CHERP: variants seen among roughly 807,000 people sequenced by gnomAD.
CHERP encodes the protein calcium homeostasis endoplasmic reticulum protein.
A neutral mutation model predicts 113.8 loss-of-function variants in CHERP; 8 were observed. The ratio of observed to expected loss-of-function variants is 0.07; its 90% CI spans 0.04 to 0.13. CHERP has a LOEUF of 0.13. Among genes scored for constraint, CHERP ranks in the 10% least tolerant of loss-of-function variants. The pLI is 1.00. For missense variants in CHERP, 884 were observed against 1,298.2 expected (o/e 0.68, Z 4.90); for synonymous variants, 559 against 524.5 (o/e 1.07, Z -0.90).
chr19:16,538,453 G>C (rs1179705437), intron 2 of CHERP, among the ~76,000 whole-genome samples: 5 of 152,234 alleles, frequency 3.3e-5, no homozygotes, highest in African/African-American at 1.2e-4. Flanking sequence ...GGGAAGCCAA[G>C]GTGGGCGGAT....
rs1194758360 is a variant in CHERP, at chr19:16,523,614, G to A, written c.1742-324C>T. On this transcript the variant is annotated intron_variant, in intron 10 of 16. Coordinates refer to ENST00000546361, the MANE Select transcript of CHERP (RefSeq NM_006387.6). The surrounding 1 kb of genome is among the most constrained non-coding windows in gnomAD (Gnocchi z 4.0). The stretch of plus-strand genomic sequence containing the variant: ...GTCCCAGCCCCCAGTAGCTCAGGAC[G>A]GAACTGTATTTGGAGACAGAGCCTT... Among the ~76,000 whole-genome samples the A allele has an allele frequency of 1.3e-5, 2 of 152,232 alleles. No homozygotes were observed. The highest frequency in any genetic ancestry group is 2.9e-5 in the Non-Finnish European group (2 of 68,016).
Position 16,525,111 on chromosome 19 carries a change from C to CG in CHERP, c.1741+130dup. On this transcript the variant is annotated intron_variant, in intron 10 of 16. Coordinates refer to ENST00000546361, the MANE Select transcript of CHERP (RefSeq NM_006387.6). The surrounding 1 kb of genome is among the most constrained non-coding windows in gnomAD (Gnocchi z 6.5). Reference sequence around the variant, plus strand: ...GAGAACCCAGGCCGGGCTCCTCGGACGTCCCATGACCCTGTGTCTGTCACT... The same window carrying CG: ...GAGAACCCAGGCCGGGCTCCTCGGACGGTCCCATGACCCTGTGTCTGTCACT... 12 of 883,038 alleles carry CG rather than the reference C, an allele frequency of 1.4e-5. No individual in the cohort carries two copies. The highest frequency in any genetic ancestry group is 1.8e-5 in the Non-Finnish European group (12 of 652,176). 54.7% of individuals were successfully genotyped at this position (883,038 alleles called of 1,614,324 possible).
At chr19:16,533,865 T>C (rs2085723799) in intron 3 of CHERP, among the ~76,000 whole-genome samples, 1 of 151,772 alleles carries the variant, frequency 6.6e-6, no homozygotes, top group African/African-American at 2.4e-5. Context: ...AAGAAGAGGA[T>C]ACACCCATGG....
chr19:16,533,354 G>A (rs1384804521), intron 3 of CHERP, among the ~76,000 whole-genome samples: 1 of 152,184 alleles, frequency 6.6e-6, no homozygotes, highest in Non-Finnish European at 1.5e-5. Context: ...AGTCCCTCCT[G>A]GAGTGGGCAG....
intron 12 of CHERP, 182 bp downstream of exon 12, chr19:16,521,339 G>A (rs554056645): frequency 8.5e-6 from 5 of 590,410 alleles, no homozygotes; most frequent in Admixed American, 6.4e-5. Context: ...CCATTAAAAC[G>A]CCCTTCATTG....
chr19:16,531,208 C>T (rs894118302), intron 5 of CHERP, among the ~76,000 whole-genome samples: 1 of 152,162 alleles, frequency 6.6e-6, no homozygotes, highest in Non-Finnish European at 1.5e-5. Context: ...TATGGGCCGG[C>T]GGGAGCCCCT....
Position 16,529,752 on chromosome 19 carries a change from A to AGCTGCT in CHERP, c.1019_1024dup (p.Gln340_Gln341dup), listed in dbSNP as rs762271164. The AGCTGCT allele has an allele frequency of 2.0e-5, 33 of 1,611,590 alleles. No homozygotes were observed. The highest frequency in any genetic ancestry group is 1.7e-4 in the Middle Eastern group (1 of 6,016). On this transcript the variant is annotated inframe_insertion, in exon 8 of 17. Transcript: ENST00000546361. ...TTCAGCCTCCATCTGCGGCATCTGG[A>AGCTGCT]GCTGCTGCTGCTGCTGTTGCTGCTG...
intron 3 of CHERP, 96 bp from the exon 4 acceptor site, chr19:16,533,244 G>A (rs73514909): frequency 0.026 from 33,253 of 1,266,760 alleles, 515 homozygotes; most frequent in Middle Eastern, 0.038. Context: ...TGGGGACATG[G>A]TGGCGATGCC....
Position 16,525,127 on chromosome 19 carries a change from G to T in CHERP, c.1741+115C>A. 9.7e-7 allele frequency: 1 copy of T among 1,034,552 alleles called. No individual in the cohort carries two copies. The highest frequency in any genetic ancestry group is 1.3e-6 in the Non-Finnish European group (1 of 770,264). The allele number at this position is 1,034,552 out of a possible 1,614,324, so 64.1% of individuals were successfully genotyped here. A position where few individuals can be genotyped will look rare whatever the true frequency, so the allele number is the denominator to read the frequency against. ...CTCCTCGGACGTCCCATGACCCTGTGTCTGTCACTGTGCACTCAGGAGCAT... is the reference window on the plus strand; with the variant it reads ...CTCCTCGGACGTCCCATGACCCTGTTTCTGTCACTGTGCACTCAGGAGCAT... On this transcript the variant is annotated intron_variant, in intron 10 of 16. Coordinates refer to ENST00000546361, the MANE Select transcript of CHERP (RefSeq NM_006387.6). The surrounding 1 kb of genome is among the most constrained non-coding windows in gnomAD (Gnocchi z 6.5).
Position 16,540,809 on chromosome 19 carries a change from C to T in CHERP, c.199+1061G>A, listed in dbSNP as rs963722781. On this transcript the variant is annotated intron_variant, in intron 2 of 16. Transcript: ENST00000546361. ...ACCTCCCGGGTTCAAGCGATTCTCC[C>T]GCCTCAGCCTCCCAAGTAGCTGGGA... 2.6e-5 allele frequency among the ~76,000 whole-genome samples: 4 copies of T among 151,086 alleles called. No individual in the cohort carries two copies. In the South Asian group the frequency reaches 6.3e-4, roughly 24 times the overall value.
chr19:16,539,672 A>G (rs1406339980), intron 2 of CHERP: 1 of 151,890 alleles, frequency 6.6e-6, no homozygotes, highest in Non-Finnish European at 1.5e-5. Context: ...CCCTCATACA[A>G]GCACATTCTT....
rs2085648136 is a variant in CHERP, at chr19:16,525,102, C to G, written c.1741+140G>C. The stretch of plus-strand genomic sequence containing the variant: ...CCACTTCCTGAGAACCCAGGCCGGG[C>G]TCCTCGGACGTCCCATGACCCTGTG... On this transcript the variant is annotated intron_variant, in intron 10 of 16. Coordinates refer to ENST00000546361, the MANE Select transcript of CHERP (RefSeq NM_006387.6). This position sits in a 1 kb window ranked among gnomAD's most constrained non-coding sequence, Gnocchi z 6.5. 2.5e-6 allele frequency: 2 copies of G among 805,900 alleles called. No homozygotes were observed. Among genetic ancestry groups the G allele is most frequent in the African/African-American group, 1.8e-5 (1 of 55,470 alleles). The allele number at this position is 805,900 out of a possible 1,614,324, so 49.9% of individuals were successfully genotyped here.
At chr19:16,524,790 G>A (rs770320029) in intron 10 of CHERP, among the ~76,000 whole-genome samples, 8 of 150,430 alleles carry the variant, frequency 5.3e-5, no homozygotes, top group Admixed American at 1.3e-4. Context: ...TTGAGACAGC[G>A]GTCTGTCGCC....
In CHERP at chr19:16,518,479, A is replaced by G. The variant is rs1175789163; in HGVS notation, c.*680T>C. 1 of 152,196 alleles carries G rather than the reference A, an allele frequency of 6.6e-6. No individual in the cohort carries two copies. The highest frequency in any genetic ancestry group is 1.9e-4 in the East Asian group (1 of 5,194). 9.4% of individuals were successfully genotyped at this position (152,196 alleles called of 1,614,324 possible). On this transcript the variant is annotated 3_prime_UTR_variant, in exon 17 of 17. Transcript: ENST00000546361. ...AAAAATATCAACTTATACAACTAAA[A>G]TAACTGAACTAAGGGCCAGTACGCC...
chr19:16,527,138 A>G (rs1178754894), intron 9 of CHERP, among the ~76,000 whole-genome samples: 3 of 152,184 alleles, frequency 2.0e-5, no homozygotes, highest in Admixed American at 2.0e-4. Flanking sequence ...GGGCGTGCCC[A>G]TTGTCCTGAG....
chr19:16,523,384 G>C lies in CHERP; in HGVS notation c.1742-94C>G. ...GGAGGGGCTCAGTGAAGGGCCAGGA[G>C]ACGAACCCCTCCTGGGAGCCTGTCC... On this transcript the variant is annotated intron_variant, in intron 10 of 16. Coordinates refer to ENST00000546361, the MANE Select transcript of CHERP (RefSeq NM_006387.6). The surrounding 1 kb of genome is among the most constrained non-coding windows in gnomAD (Gnocchi z 4.0). 7.0e-7 allele frequency: 1 copy of C among 1,426,554 alleles called. No individual in the cohort carries two copies. The highest frequency in any genetic ancestry group is 9.6e-7 in the Non-Finnish European group (1 of 1,038,404). 88.4% of individuals were successfully genotyped at this position (1,426,554 alleles called of 1,614,324 possible). A position where few individuals can be genotyped will look rare whatever the true frequency, so the allele number is the denominator to read the frequency against.
Position 16,542,394 on chromosome 19 carries a change from G to A in CHERP, c.-16C>T, listed in dbSNP as rs1452874254. ...GCATCTCCATGGCTCCGGCCGCGGGGAACGTCCTCCGGCGCCACACGATCG... is the reference window on the plus strand; with the variant it reads ...GCATCTCCATGGCTCCGGCCGCGGGAAACGTCCTCCGGCGCCACACGATCG... On this transcript the variant is annotated 5_prime_UTR_variant, in exon 1 of 17. Coordinates refer to ENST00000546361, the MANE Select transcript of CHERP (RefSeq NM_006387.6). 2 of 1,360,714 alleles carry A rather than the reference G, an allele frequency of 1.5e-6. No homozygotes were observed. The highest frequency in any genetic ancestry group is 1.9e-6 in the Non-Finnish European group (2 of 1,049,220). 84.3% of individuals were successfully genotyped at this position (1,360,714 alleles called of 1,614,324 possible).
chr19:16,540,144 A>C (rs1196785460), intron 2 of CHERP, among the ~76,000 whole-genome samples: 1 of 151,818 alleles, frequency 6.6e-6, no homozygotes, highest in East Asian at 1.9e-4. Context: ...GCTCACTGCA[A>C]CCTCCACCTC....
At chr19:16,534,613 T>A (rs1167944527) in intron 3 of CHERP, among the ~76,000 whole-genome samples, 3 of 151,940 alleles carry the variant, frequency 2.0e-5, no homozygotes, top group Non-Finnish European at 4.4e-5. Context: ...GTAGCTGGGA[T>A]TACAGGCGTG....
Sources: gnomAD v4.1 joint callset for allele counts (sites outside exome capture counted in the v4.1 genomes callset) on GRCh38, gnomAD v4.1.1 for gene constraint, Gnocchi (gnomAD v3.1) non-coding constraint, MANE v1.5 for transcripts, NCBI Gene and HGNC (gene_info 2026-07-23, HGNC 2026-07-21) for gene names.